The following MAST4 variants were observed in gnomAD, a reference collection of about 807,000 sequenced individuals.
MAST4 encodes the protein microtubule-associated serine/threonine-protein kinase 4.
MAST4 carries 89 observed loss-of-function variants against 162.7 expected under a neutral mutation model. The ratio of observed to expected loss-of-function variants is 0.55; its 90% CI spans 0.46 to 0.65. The LOEUF (loss-of-function observed/expected upper bound fraction) is 0.65. Among genes scored for constraint, MAST4 ranks in the 30% least tolerant of loss-of-function variants. The pLI, the probability that MAST4 is intolerant of heterozygous loss-of-function variation, is 0.00. For missense variants in MAST4, 3,153 were observed against 3,374.0 expected, an observed-to-expected ratio of 0.93 and a Z score of 1.62; for synonymous variants, 1,479 against 1,361.1, an observed-to-expected ratio of 1.09 and a Z score of -1.91.
intron 4 of MAST4, among the ~76,000 whole-genome samples, chr5:67,033,920 T>C (rs1021494047): frequency 1.3e-5 from 2 of 152,208 alleles, no homozygotes; most frequent in African/African-American, 4.8e-5. Flanking sequence ...ATAGATTTTT[T>C]AACTCTTATT....
chr5:66,693,963 G>T (rs1749228140), intron 1 of MAST4, among the ~76,000 whole-genome samples: 1 of 152,180 alleles, frequency 6.6e-6, no homozygotes, highest in Admixed American at 6.5e-5. Flanking sequence ...GCTAAGGATA[G>T]AATATTTTAG....
rs769278110 is a variant in MAST4, at chr5:67,166,962, A to G, written c.7783A>G (p.Ile2595Val). ...CCCAGCCCCAAACACTGACCGCCCCATCTCTCTTTCTAATGAGAAGGACTT... is the reference window on the plus strand; with the variant it reads ...CCCAGCCCCAAACACTGACCGCCCCGTCTCTCTTTCTAATGAGAAGGACTT... ...PSPAPNTDRP[I>V]SLSNEKDFVV... is the part of the protein sequence containing the mutation. The change falls in exon 29 of 29, where the codon ATC becomes GTC. Residue 2595 changes from isoleucine to valine, a missense_variant. Coordinates refer to ENST00000403625, the MANE Select transcript of MAST4 (RefSeq NM_001164664.2). 16 of 1,612,640 alleles carry G rather than the reference A, an allele frequency of 9.9e-6. No homozygotes were observed. The highest frequency in any genetic ancestry group is 1.0e-5 in the Non-Finnish European group (12 of 1,179,730).
At chr5:66,939,607 G>A (rs1743147735) in intron 4 of MAST4, among the ~76,000 whole-genome samples, 1 of 151,938 alleles carries the variant, frequency 6.6e-6, no homozygotes, top group Admixed American at 6.6e-5. Context: ...TGTTTTCTGA[G>A]GTAATCTTTT....
intron 27 of MAST4, among the ~76,000 whole-genome samples, chr5:67,161,676 A>C (rs1773198941): frequency 6.6e-6 from 1 of 152,252 alleles, no homozygotes; most frequent in African/African-American, 2.4e-5. Context: ...AAATTCGAGT[A>C]GAGGAGTTGC....
At chr5:67,155,717 CGCTGATGTGCACAGA>C in intron 26 of MAST4, among the ~76,000 whole-genome samples, 1 of 152,026 alleles carries the variant, frequency 6.6e-6, no homozygotes, top group African/African-American at 2.4e-5. Flanking sequence ...TCTGTCAAGC[CGCTGATGTGCACAGA>C]GCTGATGTGC....
intron 3 of MAST4, among the ~76,000 whole-genome samples, chr5:66,802,170 A>T (rs1404723271): frequency 1.3e-5 from 2 of 152,178 alleles, no homozygotes; most frequent in African/African-American, 4.8e-5. Flanking sequence ...TAGCTTTCTT[A>T]TACATGTTAG....
At position 66,788,919 on chromosome 5, in the gene MAST4, A is replaced by G. The variant is rs1755253372; in HGVS notation, c.642+125A>G. The stretch of plus-strand genomic sequence containing the variant: ...TGTGACGTTAAGCACATATTTGGCA[A>G]TGTGGAATTCCTTGCTTTCAATGTG... On this transcript the variant is annotated intron_variant, in intron 3 of 28. Coordinates refer to ENST00000403625, the MANE Select transcript of MAST4 (RefSeq NM_001164664.2). 4.0e-6 allele frequency: 5 copies of G among 1,243,394 alleles called. No homozygotes were observed. The South Asian group carries it at 8.1e-5, about 20-fold the overall frequency. 77.0% of individuals were successfully genotyped at this position (1,243,394 alleles called of 1,614,324 possible).
At position 66,745,567 on chromosome 5, in the gene MAST4, G is replaced by A. The variant is rs553428383; in HGVS notation, c.364-14142G>A. Among the ~76,000 whole-genome samples the A allele has an allele frequency of 3.4e-4, 52 of 152,324 alleles. 1 individual carries two copies. Among genetic ancestry groups the A allele is most frequent in the South Asian group, 2.9e-3 (14 of 4,828 alleles). ...TGGACTGGCTTCTGGGTACCTGAGA[G>A]GACTGTAACCTATGTGAGTAAATGC... On this transcript the variant is annotated intron_variant, in intron 1 of 28. Coordinates refer to ENST00000403625, the MANE Select transcript of MAST4 (RefSeq NM_001164664.2).
Position 66,808,205 on chromosome 5 carries a change from C to T in MAST4, c.642+19411C>T, listed in dbSNP as rs112036757. 3.9e-3 allele frequency among the ~76,000 whole-genome samples: 589 copies of T among 152,204 alleles called. 6 individuals carry two copies. Among genetic ancestry groups the T allele is most frequent in the Non-Finnish European group, 2.4e-3 (160 of 68,008 alleles). On this transcript the variant is annotated intron_variant, in intron 3 of 28. Transcript: ENST00000403625. Reference sequence around the variant, plus strand: ...TTGTGGGAAGAGCATTGCTTTACACCGCAGCCTGAGGTTGTTAGGTAGTTT... The same window carrying T: ...TTGTGGGAAGAGCATTGCTTTACACTGCAGCCTGAGGTTGTTAGGTAGTTT...
At chr5:66,888,123 T>C (rs1236838319) in intron 3 of MAST4, among the ~76,000 whole-genome samples, 2 of 152,324 alleles carry the variant, frequency 1.3e-5, no homozygotes, top group African/African-American at 4.8e-5. Flanking sequence ...ATAGAATCTT[T>C]ACTTATTAAG....
chr5:66,707,356 T>C (rs905554505), intron 1 of MAST4, among the ~76,000 whole-genome samples: 1 of 152,148 alleles, frequency 6.6e-6, no homozygotes, highest in Non-Finnish European at 1.5e-5. Context: ...CATCCCTGGG[T>C]TGGGCTGCCG....
At chr5:67,000,657 A>T (rs978673119) in intron 4 of MAST4, among the ~76,000 whole-genome samples, 2 of 151,640 alleles carry the variant, frequency 1.3e-5, no homozygotes, top group Non-Finnish European at 2.9e-5. Context: ...CTGAGGCAGG[A>T]GAATCGCTTG....
At chr5:67,059,682 C>A (rs1265952303) in intron 5 of MAST4, among the ~76,000 whole-genome samples, 8 of 152,084 alleles carry the variant, frequency 5.3e-5, no homozygotes, top group Non-Finnish European at 1.2e-4. Context: ...TTGCAGGTGG[C>A]TACTTTGATG....
chr5:66,638,776 T>C (rs1365569855), intron 1 of MAST4, among the ~76,000 whole-genome samples: 1 of 152,198 alleles, frequency 6.6e-6, no homozygotes, highest in Admixed American at 6.5e-5. Context: ...CTTACACTTG[T>C]ACTGTGACCT....
intron 1 of MAST4, among the ~76,000 whole-genome samples, chr5:66,699,891 A>G (rs1370500480): frequency 2.0e-5 from 3 of 152,094 alleles, no homozygotes; most frequent in Admixed American, 1.3e-4. Context: ...ACAAACGTGC[A>G]TATTCTGCAC....
intron 12 of MAST4, 76 bp from the exon 13 acceptor site, chr5:67,118,606 T>C: frequency 1.1e-6 from 1 of 876,494 alleles, no homozygotes. Context: ...AAACTATTTT[T>C]CTTTTGTTTC....
At chr5:66,959,543 A>G (rs1311628783) in intron 4 of MAST4, among the ~76,000 whole-genome samples, 1 of 152,246 alleles carries the variant, frequency 6.6e-6, no homozygotes, top group Non-Finnish European at 1.5e-5. Flanking sequence ...TTCTGGAAAC[A>G]TCTTAACAGC....
chr5:66,970,596 G>A (rs558244905), intron 4 of MAST4, among the ~76,000 whole-genome samples: 24 of 152,200 alleles, frequency 1.6e-4, no homozygotes, highest in Non-Finnish European at 2.8e-4. Flanking sequence ...TGTCATGATG[G>A]TTTGTGTTTT....
intron 1 of MAST4, among the ~76,000 whole-genome samples, chr5:66,728,222 C>G (rs1348283122): frequency 6.6e-6 from 1 of 152,112 alleles, no homozygotes; most frequent in Non-Finnish European, 1.5e-5. Flanking sequence ...AGATATGGAG[C>G]CTTTCTCACT....
Sources: gnomAD v4.1 joint callset for allele counts (sites outside exome capture counted in the v4.1 genomes callset) on GRCh38, gnomAD v4.1.1 for gene constraint, MANE v1.5 for transcripts, NCBI Gene and HGNC (gene_info 2026-07-23, HGNC 2026-07-21) for gene names.